EXT2: variants seen among roughly 807,000 people sequenced by gnomAD.
The protein encoded by EXT2 is exostosin glycosyltransferase 2.
A neutral mutation model predicts 81.6 loss-of-function variants in EXT2; 53 were observed. That is an observed-to-expected ratio of 0.65 (90% confidence interval 0.52 to 0.82). The LOEUF (loss-of-function observed/expected upper bound fraction) is 0.82. EXT2 is among the 40% of genes least tolerant of loss of function. EXT2 has a pLI of 0.00. For missense variants in EXT2, 774 were observed against 910.2 expected (o/e 0.85, Z 1.93); for synonymous variants, 320 against 340.0 (o/e 0.94, Z 0.65).
In EXT2 at chr11:44,244,107, T is replaced by C. The variant is rs761695457; in HGVS notation, c.2019-42T>C. 1.9e-6 allele frequency: 3 copies of C among 1,601,118 alleles called. No individual in the cohort carries two copies. The African/African-American group carries it at 4.0e-5, about 21-fold the overall frequency. The stretch of plus-strand genomic sequence containing the variant: ...CTCCCTGCCCCCATCCTTCTCATTC[T>C]GCTCAAACCCCTCCTCCCCACCTCC... On this transcript the variant is annotated intron_variant, in intron 13 of 13. Coordinates refer to ENST00000533608, the MANE Select transcript of EXT2 (RefSeq NM_207122.2).
intron 4 of EXT2, among the ~76,000 whole-genome samples, chr11:44,115,670 C>T (rs4237646): frequency 6.6e-6 from 1 of 152,162 alleles, no homozygotes; most frequent in East Asian, 1.9e-4. Context: ...TGCCTGGAGA[C>T]CATTAGAACC....
At chr11:44,164,248 G>A (rs1265162518) in intron 7 of EXT2, among the ~76,000 whole-genome samples, 2 of 151,814 alleles carry the variant, frequency 1.3e-5, no homozygotes, top group Non-Finnish European at 2.9e-5. Flanking sequence ...ATGTTCCTGC[G>A]AGTTGTCCAC....
intron 13 of EXT2, among the ~76,000 whole-genome samples, chr11:44,237,473 A>G (rs1363351388): frequency 6.6e-6 from 1 of 152,178 alleles, no homozygotes; most frequent in Non-Finnish European, 1.5e-5. Flanking sequence ...AGTATTTCAC[A>G]GTTAAGGGTA....
chr11:44,166,300 C>T (rs1243508598), intron 7 of EXT2, among the ~76,000 whole-genome samples: 1 of 152,122 alleles, frequency 6.6e-6, no homozygotes, highest in African/African-American at 2.4e-5. Context: ...TGGGTTATTT[C>T]AGGTCTCATA....
chr11:44,240,035 C>A (rs1459322240), intron 13 of EXT2, among the ~76,000 whole-genome samples: 1 of 152,088 alleles, frequency 6.6e-6, no homozygotes, highest in African/African-American at 2.4e-5. Flanking sequence ...ATAGTTGTTA[C>A]ATGGCATTGT....
At chr11:44,183,711 A>G (rs1241563222) in intron 8 of EXT2, among the ~76,000 whole-genome samples, 4 of 151,088 alleles carry the variant, frequency 2.6e-5, no homozygotes, top group African/African-American at 7.3e-5. Context: ...TTCATCTTTG[A>G]CTAATGTGTT....
At chr11:44,169,696 T>G (rs1275194052) in intron 7 of EXT2, among the ~76,000 whole-genome samples, 1 of 152,194 alleles carries the variant, frequency 6.6e-6, no homozygotes. Context: ...TCCAAAATGC[T>G]TGGGAGCAGA....
chr11:44,182,511 T>C (rs573532533), intron 8 of EXT2, among the ~76,000 whole-genome samples: 2 of 152,324 alleles, frequency 1.3e-5, no homozygotes, highest in South Asian at 2.1e-4. Context: ...ATTTTAACTT[T>C]TTACGTTGAC....
intron 5 of EXT2, among the ~76,000 whole-genome samples, chr11:44,126,084 G>T (rs1359918064): frequency 1.3e-5 from 2 of 152,126 alleles, no homozygotes; most frequent in African/African-American, 4.8e-5. Flanking sequence ...CAAAATCTGG[G>T]AGAAACAGAA....
intron 1 of EXT2, among the ~76,000 whole-genome samples, chr11:44,098,996 T>C (rs1953943873): frequency 6.6e-6 from 1 of 152,258 alleles, no homozygotes; most frequent in Admixed American, 6.5e-5. Flanking sequence ...ATATTAAATA[T>C]GTTCTATTTT....
At chr11:44,214,861 C>T (rs1047574762) in intron 10 of EXT2, among the ~76,000 whole-genome samples, 6 of 151,882 alleles carry the variant, frequency 4.0e-5, no homozygotes, top group Admixed American at 6.6e-5. Flanking sequence ...AAGTGATTCT[C>T]CCACCTCAGT....
In EXT2 at chr11:44,165,335, A is replaced by G. The variant is rs79973137; in HGVS notation, c.1174-6276A>G. Among the ~76,000 whole-genome samples, 1,185 of 152,348 alleles carry G rather than the reference A, an allele frequency of 7.8e-3. 17 individuals carry two copies. The highest frequency in any genetic ancestry group is 0.034 in the East Asian group (175 of 5,180). On this transcript the variant is annotated intron_variant, in intron 7 of 13. Transcript: ENST00000533608. ...CTTCCTCTCTGTGGACAAGCAGGCT[A>G]TACTAAGCCCTGGAGGGGCTATAAA...
intron 8 of EXT2, among the ~76,000 whole-genome samples, chr11:44,194,077 C>T (rs143920461): frequency 1.1e-4 from 17 of 152,298 alleles, no homozygotes; most frequent in African/African-American, 3.6e-4. Flanking sequence ...CCAAGGCATT[C>T]GTTTTGTGAG....
intron 10 of EXT2, among the ~76,000 whole-genome samples, chr11:44,218,125 G>T (rs1054906571): frequency 3.9e-5 from 6 of 152,148 alleles, no homozygotes; most frequent in African/African-American, 4.8e-5. Context: ...TACATTGTGA[G>T]AATTTATTTG....
At chr11:44,184,377 A>T (rs1565225854) in intron 8 of EXT2, among the ~76,000 whole-genome samples, 1 of 152,186 alleles carries the variant, frequency 6.6e-6, no homozygotes, top group African/African-American at 2.4e-5. Flanking sequence ...TTCTTAAAGT[A>T]AGTGCTCTTT....
chr11:44,099,856 C>T (rs763579874), intron 1 of EXT2, among the ~76,000 whole-genome samples: 35 of 152,124 alleles, frequency 2.3e-4, no homozygotes, highest in Admixed American at 5.9e-4. Flanking sequence ...TTTCTTTTCT[C>T]ATTCTTTCCC....
At chr11:44,244,114 A>T (rs2135283702) in intron 13 of EXT2, 35 bp from the exon 14 acceptor site, 2 of 1,610,484 alleles carry the variant, frequency 1.2e-6, no homozygotes, top group Non-Finnish European at 1.7e-6. Flanking sequence ...TTCTGCTCAA[A>T]CCCCTCCTCC....
rs543133037 is a variant in EXT2, at chr11:44,230,593, G to C, written c.1663-1760G>C. ...TAGACACAGAGATAGACTTGCACAG[G>C]GGGGAAGATGGCCTTGTGAAGATGG... On this transcript the variant is annotated intron_variant, in intron 10 of 13. Coordinates refer to ENST00000533608, the MANE Select transcript of EXT2 (RefSeq NM_207122.2). 2.4e-4 allele frequency among the ~76,000 whole-genome samples: 36 copies of C among 152,266 alleles called. No homozygotes were observed. The East Asian group carries it at 6.6e-3, about 28-fold the overall frequency.
chr11:44,238,529 G>C (rs572999557), intron 13 of EXT2, among the ~76,000 whole-genome samples: 1 of 152,126 alleles, frequency 6.6e-6, no homozygotes, highest in Non-Finnish European at 1.5e-5. Flanking sequence ...GGATTGGAGC[G>C]AACTGTTGGA....
Sources: allele counts gnomAD v4.1 joint callset (sites outside exome capture counted in the v4.1 genomes callset), GRCh38; gene constraint gnomAD v4.1.1; transcripts MANE v1.5; gene names NCBI Gene and HGNC (gene_info 2026-07-23, HGNC 2026-07-21).